DBN1: variants seen among roughly 807,000 people sequenced by gnomAD.
DBN1 encodes the protein drebrin 1.
In DBN1, 21 loss-of-function variants were observed where a neutral mutation model predicts 83.5. The ratio of observed to expected loss-of-function variants is 0.25; its 90% CI spans 0.18 to 0.36. DBN1 has a LOEUF of 0.36. DBN1 is among the 10% of genes least tolerant of loss of function. DBN1 has a pLI of 1.00. For missense variants in DBN1, 874 were observed against 935.7 expected, an observed-to-expected ratio of 0.93 and a Z score of 0.86; for synonymous variants, 381 against 384.9, an observed-to-expected ratio of 0.99 and a Z score of 0.12.
chr5:177,466,251 C>T lies in DBN1; in HGVS notation c.771+521G>A, dbSNP rs1489309124. Reference sequence around the variant, plus strand: ...CTAAATTCAAAGCATGGAGATGTGACTCTGCTGTGATTCTCAGGGACCAAT... The same window carrying T: ...CTAAATTCAAAGCATGGAGATGTGATTCTGCTGTGATTCTCAGGGACCAAT... On this transcript the variant is annotated intron_variant, in intron 8 of 14. Coordinates refer to ENST00000393565, the MANE Select transcript of DBN1 (RefSeq NM_001363541.2). This position sits in a 1 kb window ranked among gnomAD's most constrained non-coding sequence, Gnocchi z 4.8. 1.3e-5 allele frequency among the ~76,000 whole-genome samples: 2 copies of T among 152,352 alleles called. No homozygotes were observed. The highest frequency in any genetic ancestry group is 4.8e-5 in the African/African-American group (2 of 41,568).
intron 8 of DBN1, among the ~76,000 whole-genome samples, chr5:177,465,024 G>C (rs1262211753): frequency 3.9e-5 from 6 of 152,190 alleles, no homozygotes; most frequent in Admixed American, 2.6e-4. Flanking sequence ...CGTGGTGGCG[G>C]GCACCTGTAG....
At chr5:177,472,133 AGCTTGTCTCTC>A in intron 1 of DBN1, 2 of 1,610,688 alleles carry the variant, frequency 1.2e-6, no homozygotes, top group Non-Finnish European at 1.7e-6. Flanking sequence ...AGGACACGAG[AGCTTGTCTCTC>A]GCGTCCATCC....
In DBN1 at chr5:177,458,983, G is replaced by A. The variant is rs890137347; in HGVS notation, c.1264+115C>T. 10 of 1,498,178 alleles carry A rather than the reference G, an allele frequency of 6.7e-6. No individual in the cohort carries two copies. In the African/African-American group the frequency reaches 7.0e-5, roughly 11 times the overall value. The allele number at this position is 1,498,178 out of a possible 1,614,324, so 92.8% of individuals were successfully genotyped here. A position where few individuals can be genotyped will look rare whatever the true frequency, so the allele number is the denominator to read the frequency against. On this transcript the variant is annotated intron_variant, in intron 12 of 14. Coordinates refer to ENST00000393565, the MANE Select transcript of DBN1 (RefSeq NM_001363541.2). ...CCCACACAGCCGCCTCCAGGGCAGTGCAGTCTTGGTGATGGGTGGCCCAGA... is the reference window on the plus strand; with the variant it reads ...CCCACACAGCCGCCTCCAGGGCAGTACAGTCTTGGTGATGGGTGGCCCAGA...
At position 177,459,720 on chromosome 5, in the gene DBN1, T is replaced by G. The variant is rs1249439172; in HGVS notation, c.976A>C (p.Ile326Leu). The G allele has an allele frequency of 1.3e-6, 2 of 1,566,626 alleles. No individual in the cohort carries two copies. Among genetic ancestry groups the G allele is most frequent in the African/African-American group, 2.7e-5 (2 of 73,248 alleles). ...GAAGGCCCACTGTCCGATGCCTTTA[T>G]GAAAGGGCAGTACGGACGACCTGCC... ...HRPGRPYCPF[I>L]KASDSGPSSS... is the part of the protein sequence containing the mutation. The change falls in exon 11 of 15, where the codon ATA (isoleucine) becomes CTA (leucine). Residue 326 changes from isoleucine (I) to leucine (L), a missense_variant. This residue lies in a region of DBN1 where 725 missense variants were observed against 719.7 expected (regional missense o/e 1.01). Transcript: ENST00000393565.
chr5:177,466,637 C>T lies in DBN1; in HGVS notation c.771+135G>A, dbSNP rs890015645. 4 of 995,780 alleles carry T rather than the reference C, an allele frequency of 4.0e-6. No homozygotes were observed. Among genetic ancestry groups the T allele is most frequent in the Non-Finnish European group, 6.4e-6 (4 of 628,106 alleles). The allele number at this position is 995,780 out of a possible 1,614,324, so 61.7% of individuals were successfully genotyped here. The stretch of plus-strand genomic sequence containing the variant: ...AGGTGCCAGGCCTCATGCTCCATGG[C>T]ACCCTGTGCCCATGCAGCTCCCCAG... On this transcript the variant is annotated intron_variant, in intron 8 of 14. Coordinates refer to ENST00000393565, the MANE Select transcript of DBN1 (RefSeq NM_001363541.2). This position sits in a 1 kb window ranked among gnomAD's most constrained non-coding sequence, Gnocchi z 4.8.
chr5:177,457,924 TG>T, intron 13 of DBN1, 133 bp downstream of exon 13: 3 of 793,152 alleles, frequency 3.8e-6, no homozygotes, highest in Non-Finnish European at 5.5e-6. Context: ...GGAGGGAGGG[TG>T]GGATGGACTT....
In DBN1 at chr5:177,457,633, CCAT is replaced by C; in HGVS notation, c.2017+19_2017+21del. The C allele has an allele frequency of 6.4e-7, 1 of 1,557,994 alleles. No homozygotes were observed. The highest frequency in any genetic ancestry group is 8.8e-7 in the Non-Finnish European group (1 of 1,130,868). The stretch of plus-strand genomic sequence containing the variant: ...CCAGCCCCCGCACCCAAATTCCTCC[CCAT>C]CATCCAGCCCAGTACTACCTGGAGG... On this transcript the variant is annotated intron_variant, in intron 14 of 14. Transcript: ENST00000393565.
At chr5:177,465,240 T>C (rs897010246) in intron 8 of DBN1, among the ~76,000 whole-genome samples, 1 of 152,268 alleles carries the variant, frequency 6.6e-6, no homozygotes, top group Non-Finnish European at 1.5e-5. Flanking sequence ...TGGAATATGA[T>C]TCAGCCTTCA....
At position 177,467,202 on chromosome 5, in the gene DBN1, C is replaced by T. The variant is rs1268596637; in HGVS notation, c.555+53G>A. On this transcript the variant is annotated intron_variant, in intron 6 of 14. Coordinates refer to ENST00000393565, the MANE Select transcript of DBN1 (RefSeq NM_001363541.2). This position sits in a 1 kb window ranked among gnomAD's most constrained non-coding sequence, Gnocchi z 9.1. ...ACTGCAGTGAGGGACTCAGACCTGC[C>T]CCATGGGGTCCATGAGGGGTGGCTC... 3 of 1,610,834 alleles carry T rather than the reference C, an allele frequency of 1.9e-6. No individual in the cohort carries two copies. The highest frequency in any genetic ancestry group is 2.5e-6 in the Non-Finnish European group (3 of 1,177,334).
In DBN1 at chr5:177,460,825, G is replaced by A. The variant is rs578227529; in HGVS notation, c.772-122C>T. The A allele has an allele frequency of 4.1e-6, 4 of 983,602 alleles. No homozygotes were observed. The East Asian group carries it at 7.9e-5, about 19-fold the overall frequency. The allele number at this position is 983,602 out of a possible 1,614,324, so 60.9% of individuals were successfully genotyped here. Reference sequence around the variant, plus strand: ...GACAGGTTCTCGCCCTACCACCCAGGCTGGGGAGCAGTGGTACAATCACGG... The same window carrying A: ...GACAGGTTCTCGCCCTACCACCCAGACTGGGGAGCAGTGGTACAATCACGG... On this transcript the variant is annotated intron_variant, in intron 8 of 14. Coordinates refer to ENST00000393565, the MANE Select transcript of DBN1 (RefSeq NM_001363541.2).
intron 11 of DBN1, 115 bp downstream of exon 11, chr5:177,459,488 G>A: frequency 7.4e-7 from 1 of 1,352,132 alleles, no homozygotes; most frequent in Middle Eastern, 2.7e-4. Flanking sequence ...GGCAGTGCCT[G>A]CCCTGGGGGC....
In DBN1 at chr5:177,466,759, G is replaced by T; in HGVS notation, c.771+13C>A. ...CCTGACCCAGAGACCGGGAGCCTTG[G>T]CAAAGAACTTACAAAGATAGACTGC... On this transcript the variant is annotated intron_variant, in intron 8 of 14. Transcript: ENST00000393565. The surrounding 1 kb of genome is among the most constrained non-coding windows in gnomAD (Gnocchi z 4.8). The T allele has an allele frequency of 6.2e-7, 1 of 1,614,046 alleles. No individual in the cohort carries two copies. The highest frequency in any genetic ancestry group is 8.5e-7 in the Non-Finnish European group (1 of 1,179,924).
rs768590040 is a variant in DBN1, at chr5:177,467,934, G to A, written c.256-117C>T. 15 of 1,411,462 alleles carry A rather than the reference G, an allele frequency of 1.1e-5. No individual in the cohort carries two copies. Among genetic ancestry groups the A allele is most frequent in the African/African-American group, 1.4e-5 (1 of 70,714 alleles). 87.4% of individuals were successfully genotyped at this position (1,411,462 alleles called of 1,614,324 possible). A position where few individuals can be genotyped will look rare whatever the true frequency, so the allele number is the denominator to read the frequency against. ...GCTTCCCTCTCCACGGGTGTCAGAG[G>A]GCCGACGGGGAGGGCGACTGCTCTG... is the stretch of plus-strand genomic sequence containing the variant. On this transcript the variant is annotated intron_variant, in intron 3 of 14. Transcript: ENST00000393565. This position sits in a 1 kb window ranked among gnomAD's most constrained non-coding sequence, Gnocchi z 9.1.
At position 177,466,921 on chromosome 5, in the gene DBN1, C is replaced by G. The variant is rs1410771513; in HGVS notation, c.697G>C (p.Glu233Gln). ...GGCGGGCAGGCTCACCTGTGCTCCT[C>G]GATCTGCTGCTCCCGCTCCCGGTAG... ...RRYREREQQI[E>Q]EHRRKQQTLE... Residue 233 changes from glutamate (E) to glutamine (Q), a missense_variant, in exon 7 of 15, where the codon GAG (glutamate) becomes CAG (glutamine). Glu to Gln is a conservative substitution (Grantham distance 29). Transcript: ENST00000393565. This position sits in a 1 kb window ranked among gnomAD's most constrained non-coding sequence, Gnocchi z 4.8. 6.2e-7 allele frequency: 1 copy of G among 1,612,882 alleles called. No homozygotes were observed. Among genetic ancestry groups the G allele is most frequent in the East Asian group, 2.2e-5 (1 of 44,868 alleles).
In DBN1 at chr5:177,458,307, C is replaced by A. The variant is rs750019657; in HGVS notation, c.1665G>T (p.Val555=). 3.7e-6 allele frequency: 6 copies of A among 1,613,312 alleles called. No individual in the cohort carries two copies. The highest frequency in any genetic ancestry group is 5.1e-6 in the Non-Finnish European group (6 of 1,179,454). The change falls in exon 13 of 15, where the codon GTG becomes GTT. Residue 555 remains valine, a synonymous_variant. Coordinates refer to ENST00000393565, the MANE Select transcript of DBN1 (RefSeq NM_001363541.2). Reference sequence around the variant, plus strand: ...CCGGAGCCACCTCATCCAGCAGGGGCACCTCTGCCAGGGTGACCTCAGTAC... The same window carrying A: ...CCGGAGCCACCTCATCCAGCAGGGGAACCTCTGCCAGGGTGACCTCAGTAC... The part of the protein sequence containing the change: ...PSGTEVTLAE[V]PLLDEVAPEP...
chr5:177,466,850 A>G lies in DBN1; in HGVS notation c.708-15T>C. The G allele has an allele frequency of 6.2e-7, 1 of 1,614,064 alleles. No individual in the cohort carries two copies. Among genetic ancestry groups the G allele is most frequent in the Non-Finnish European group, 8.5e-7 (1 of 1,179,960 alleles). ...GCTGTTTCCTCCTGGAACGATAAGC[A>G]GCCAGCACCCGTCAGGGTGCGCCCG... On this transcript the variant is annotated splice_polypyrimidine_tract_variant and intron_variant, in intron 7 of 14. Coordinates refer to ENST00000393565, the MANE Select transcript of DBN1 (RefSeq NM_001363541.2). This position sits in a 1 kb window ranked among gnomAD's most constrained non-coding sequence, Gnocchi z 4.8.
rs1295130375 is a variant in DBN1, at chr5:177,467,235, C to G, written c.555+20G>C. 1 of 1,614,016 alleles carries G rather than the reference C, an allele frequency of 6.2e-7. No individual in the cohort carries two copies. The highest frequency in any genetic ancestry group is 1.7e-5 in the Admixed American group (1 of 60,030). On this transcript the variant is annotated intron_variant, in intron 6 of 14. Coordinates refer to ENST00000393565, the MANE Select transcript of DBN1 (RefSeq NM_001363541.2). The surrounding 1 kb of genome is among the most constrained non-coding windows in gnomAD (Gnocchi z 9.1). ...GTCCATGAGGGGTGGCTCAGCCAGG[C>G]CGGGCTCAGGGTTCCATACCTTGGC... is the stretch of plus-strand genomic sequence containing the variant.
At position 177,458,285 on chromosome 5, in the gene DBN1, G is replaced by A; in HGVS notation, c.1687C>T (p.Pro563Ser). The change falls in exon 13 of 15, where the codon CCG (proline) becomes TCG (serine). Residue 563 changes from proline (P) to serine (S), a missense_variant. Pro to Ser is a moderately conservative substitution (Grantham distance 74, BLOSUM62 -1). Transcript: ENST00000393565. Reference sequence around the variant, plus strand: ...TCGCCTGCTGGCAGCAGTGGCTCCGGAGCCACCTCATCCAGCAGGGGCACC... The same window carrying A: ...TCGCCTGCTGGCAGCAGTGGCTCCGAAGCCACCTCATCCAGCAGGGGCACC... ...AEVPLLDEVA[P>S]EPLLPAGEGC... is the part of the protein sequence containing the mutation. The A allele has an allele frequency of 6.2e-7, 1 of 1,613,664 alleles. No individual in the cohort carries two copies. The highest frequency in any genetic ancestry group is 8.5e-7 in the Non-Finnish European group (1 of 1,179,796).
At chr5:177,459,925 G>A (rs1429772129) in intron 10 of DBN1, among the ~76,000 whole-genome samples, 185 bp from the exon 11 acceptor site, 1 of 152,170 alleles carries the variant, frequency 6.6e-6, no homozygotes, top group Non-Finnish European at 1.5e-5. Context: ...AGCCAGCCTG[G>A]GAGCAGTACA....
Sources: gnomAD v4.1 joint callset for allele counts (sites outside exome capture counted in the v4.1 genomes callset) on GRCh38, gnomAD v4.1.1 for gene constraint, gnomAD v4.1.1 regional missense constraint, Gnocchi (gnomAD v3.1) non-coding constraint, MANE v1.5 for transcripts, NCBI Gene and HGNC (gene_info 2026-07-23, HGNC 2026-07-21) for gene names.